The following KIAA0825 variants were observed in gnomAD, a reference collection of about 807,000 sequenced individuals.
KIAA0825 encodes uncharacterized protein KIAA0825.
A neutral mutation model predicts 147.6 loss-of-function variants in KIAA0825; 119 were observed. The ratio of observed to expected loss-of-function variants is 0.81; its 90% CI spans 0.69 to 0.94. KIAA0825 has a LOEUF of 0.94. KIAA0825 is among the 40% of genes least tolerant of loss of function. The probability of loss-of-function intolerance (pLI) is 0.00; values close to 1 mark genes in which losing one functional copy is unlikely to be tolerated. For synonymous variants in KIAA0825, 470 were observed against 518.1 expected (o/e 0.91, Z 1.26); for missense variants, 1,381 against 1,472.7 (o/e 0.94, Z 1.02).
rs190367571 is a variant in KIAA0825 at position 94,234,610 on chromosome 5, C to A, written c.3711-80486G>T. Among the ~76,000 whole-genome samples the A allele has an allele frequency of 2.5e-3, 379 of 152,084 alleles. 1 individual carries two copies. Among genetic ancestry groups the A allele is most frequent in the African/African-American group, 8.8e-3 (365 of 41,500 alleles). On this transcript the variant is annotated intron_variant, in intron 20 of 20. Coordinates refer to ENST00000682413, the MANE Select transcript of KIAA0825 (RefSeq NM_001145678.3). The stretch of plus-strand genomic sequence containing the variant: ...TTCTGGTGAAGCCTCATGGAGCTGT[C>A]AATCATAGCAGAAGCAAAGGGGAAA...
At position 94,278,043 on chromosome 5, in the gene KIAA0825, A is replaced by G. The variant is rs1280220138; in HGVS notation, c.3710+106325T>C. On this transcript the variant is annotated intron_variant, in intron 20 of 20. Coordinates refer to ENST00000682413, the MANE Select transcript of KIAA0825 (RefSeq NM_001145678.3). ...AACCAAACACCACATGTTCTCACGC[A>G]TAAGTGGGAGCTGAACAGTGAGAAC... Among the ~76,000 whole-genome samples, 6 of 152,298 alleles carry G rather than the reference A, an allele frequency of 3.9e-5. No individual in the cohort carries two copies. In the East Asian group the frequency reaches 9.7e-4, roughly 25 times the overall value.
intron 20 of KIAA0825, among the ~76,000 whole-genome samples, chr5:94,378,176 G>C (rs561724589): frequency 2.5e-4 from 38 of 152,300 alleles, no homozygotes; most frequent in African/African-American, 8.7e-4. Context: ...CGTGTCACAG[G>C]AGTTTGGTGT....
At chr5:94,320,659 C>G (rs1780090488) in intron 20 of KIAA0825, among the ~76,000 whole-genome samples, 1 of 151,972 alleles carries the variant, frequency 6.6e-6, no homozygotes, top group South Asian at 2.1e-4. Flanking sequence ...TGCTGTCTAT[C>G]TACCCCTCTA....
intron 20 of KIAA0825, among the ~76,000 whole-genome samples, chr5:94,199,334 T>C (rs1273268833): frequency 2.0e-5 from 3 of 152,220 alleles, no homozygotes; most frequent in African/African-American, 7.2e-5. Flanking sequence ...TCCTGGGCTG[T>C]GTGCTCTAAC....
intron 15 of KIAA0825, among the ~76,000 whole-genome samples, chr5:94,411,624 C>A (rs1354328923): frequency 6.6e-6 from 1 of 152,078 alleles, no homozygotes; most frequent in Non-Finnish European, 1.5e-5. Context: ...TCCAGTTGTT[C>A]TTAGGACACA....
chr5:94,505,441 G>A (rs1195461205), intron 5 of KIAA0825, among the ~76,000 whole-genome samples: 1 of 150,564 alleles, frequency 6.6e-6, no homozygotes, highest in Non-Finnish European at 1.5e-5. Context: ...ATATCTGAAA[G>A]GCCAATTTTC....
At chr5:94,410,611 A>G (rs1034551366) in intron 15 of KIAA0825, among the ~76,000 whole-genome samples, 3 of 152,258 alleles carry the variant, frequency 2.0e-5, no homozygotes, top group Non-Finnish European at 4.4e-5. Flanking sequence ...GACATATTAC[A>G]TAAAAGGAAA....
chr5:94,343,672 G>A (rs747000012), intron 20 of KIAA0825, among the ~76,000 whole-genome samples: 6 of 152,170 alleles, frequency 3.9e-5, no homozygotes, highest in Non-Finnish European at 7.4e-5. Context: ...CTGGGCAACA[G>A]AGCAAGACTG....
At chr5:94,441,249 A>G (rs1240685236) in intron 13 of KIAA0825, among the ~76,000 whole-genome samples, 1 of 141,352 alleles carries the variant, frequency 7.1e-6, no homozygotes, top group East Asian at 2.5e-4. Flanking sequence ...CCCATCAGAA[A>G]TTCTGGGGCG....
intron 12 of KIAA0825, among the ~76,000 whole-genome samples, chr5:94,461,205 G>A (rs1239520139): frequency 2.0e-5 from 3 of 151,774 alleles, no homozygotes; most frequent in African/African-American, 4.8e-5. Flanking sequence ...TGCATTGGGG[G>A]GCTAAAATTT....
At chr5:94,179,740 CAGAT>C (rs1769428733) in intron 20 of KIAA0825, among the ~76,000 whole-genome samples, 1 of 152,058 alleles carries the variant, frequency 6.6e-6, no homozygotes, top group African/African-American at 2.4e-5. Flanking sequence ...CATATTAAAA[CAGAT>C]AGGAGCCACC....
chr5:94,609,075 A>T (rs1788195596), intron 1 of KIAA0825, among the ~76,000 whole-genome samples: 1 of 152,238 alleles, frequency 6.6e-6, no homozygotes, highest in South Asian at 2.1e-4. Context: ...TCTACACTGC[A>T]ACTAAATTTT....
intron 20 of KIAA0825, among the ~76,000 whole-genome samples, chr5:94,174,417 C>T (rs1007546113): frequency 6.6e-6 from 1 of 152,012 alleles, no homozygotes; most frequent in African/African-American, 2.4e-5. Context: ...CTTTTGGGTT[C>T]TGCGTCAATT....
chr5:94,611,681 C>T (rs1788837040), intron 1 of KIAA0825, among the ~76,000 whole-genome samples: 1 of 148,436 alleles, frequency 6.7e-6, no homozygotes, highest in Admixed American at 6.7e-5. Flanking sequence ...CATGGTGCCT[C>T]ATGCCTGTAA....
chr5:94,252,649 G>T (rs1481892366), intron 20 of KIAA0825, among the ~76,000 whole-genome samples: 1 of 151,934 alleles, frequency 6.6e-6, no homozygotes. Context: ...ATATGCCTAG[G>T]ACAAAAGACT....
intron 2 of KIAA0825, among the ~76,000 whole-genome samples, chr5:94,544,080 T>C (rs1392494389): frequency 1.3e-5 from 2 of 152,194 alleles, no homozygotes; most frequent in African/African-American, 2.4e-5. Flanking sequence ...CCCTGAATTC[T>C]TTCTTGTGCA....
intron 20 of KIAA0825, among the ~76,000 whole-genome samples, chr5:94,235,798 C>T (rs1367886478): frequency 6.6e-6 from 1 of 152,024 alleles, no homozygotes; most frequent in African/African-American, 2.4e-5. Context: ...AATCCTAGGG[C>T]CCTTAGGAAT....
intron 20 of KIAA0825, among the ~76,000 whole-genome samples, chr5:94,302,927 C>T (rs905668700): frequency 2.6e-5 from 4 of 152,020 alleles, no homozygotes; most frequent in African/African-American, 4.8e-5. Context: ...CAGTAACAAG[C>T]TATGTCAGGT....
intron 2 of KIAA0825, among the ~76,000 whole-genome samples, chr5:94,573,893 A>T (rs1327162002): frequency 6.6e-6 from 1 of 152,184 alleles, no homozygotes; most frequent in African/African-American, 2.4e-5. Context: ...AACCCATCTG[A>T]TAAGAATTTC....
Sources: allele counts gnomAD v4.1 joint callset (sites outside exome capture counted in the v4.1 genomes callset), GRCh38; gene constraint gnomAD v4.1.1; transcripts MANE v1.5; gene names NCBI Gene and HGNC (gene_info 2026-07-23, HGNC 2026-07-21).